The following FHOD3 variants were observed in gnomAD, a reference collection of about 807,000 sequenced individuals.
FHOD3 encodes the protein FH1/FH2 domain-containing protein 3.
FHOD3 carries 90 observed loss-of-function variants against 173.0 expected under a neutral mutation model. That is an observed-to-expected ratio of 0.52 (90% CI 0.44 to 0.62). The LOEUF (loss-of-function observed/expected upper bound fraction) is 0.62. Among genes scored for constraint, FHOD3 ranks in the 20% least tolerant of loss-of-function variants. The pLI is 0.00. For synonymous variants in FHOD3, 828 were observed against 823.0 expected (o/e 1.01, Z -0.10); for missense variants, 1,945 against 2,034.7 (o/e 0.96, Z 0.85).
intron 3 of FHOD3, among the ~76,000 whole-genome samples, chr18:36,397,814 G>A (rs1056954203): frequency 6.6e-6 from 1 of 152,198 alleles, no homozygotes; most frequent in Non-Finnish European, 1.5e-5. Context: ...GTTCCAGGGG[G>A]ATCAGATTGA....
Position 36,718,693 on chromosome 18 carries a change from C to A in FHOD3, c.3395C>A (p.Ser1132Tyr). ...SRLEHLFESK[S>Y]KELSVSKKTA... Reference sequence around the variant, plus strand: ...CTGGAGCACCTGTTTGAGTCTAAATCCAAGGAACTGTCTGTCTCAAAGGTA... The same window carrying A: ...CTGGAGCACCTGTTTGAGTCTAAATACAAGGAACTGTCTGTCTCAAAGGTA... The change falls in exon 19 of 29, where the codon TCC (serine) becomes TAC (tyrosine). Residue 1132 changes from serine to tyrosine, a missense_variant. Ser to Tyr is a moderately radical substitution (Grantham distance 144). Coordinates refer to ENST00000590592, the MANE Select transcript of FHOD3 (RefSeq NM_001281740.3). The A allele has an allele frequency of 1.2e-6, 2 of 1,613,618 alleles. No individual in the cohort carries two copies. The highest frequency in any genetic ancestry group is 1.7e-6 in the Non-Finnish European group (2 of 1,179,664).
chr18:36,631,476 A>G (rs1190175948), intron 10 of FHOD3, among the ~76,000 whole-genome samples: 2 of 151,986 alleles, frequency 1.3e-5, no homozygotes, highest in African/African-American at 4.9e-5. Flanking sequence ...AAATGAAGAG[A>G]GTTGTACCAT....
chr18:36,433,103 C>A (rs567032339), intron 3 of FHOD3, among the ~76,000 whole-genome samples: 1 of 152,140 alleles, frequency 6.6e-6, no homozygotes, highest in East Asian at 1.9e-4. Context: ...AGGATAATCT[C>A]GCCTTTGATT....
intron 14 of FHOD3, among the ~76,000 whole-genome samples, chr18:36,668,866 T>C (rs1168787422): frequency 2.0e-5 from 3 of 152,050 alleles, no homozygotes; most frequent in Non-Finnish European, 4.4e-5. Context: ...ACTTGGATAC[T>C]TTTAAATTTA....
At chr18:36,580,757 TCTC>T (rs1303403840) in intron 6 of FHOD3, among the ~76,000 whole-genome samples, 1 of 152,216 alleles carries the variant, frequency 6.6e-6, no homozygotes, top group Non-Finnish European at 1.5e-5. Flanking sequence ...GAGGCCTCAG[TCTC>T]CTCCTTAAAC....
chr18:36,647,195 C>T (rs548423239), intron 10 of FHOD3, among the ~76,000 whole-genome samples: 19 of 152,272 alleles, frequency 1.2e-4, no homozygotes, highest in African/African-American at 4.6e-4. Flanking sequence ...GAGCCAAGAT[C>T]GTGCCACTGC....
chr18:36,461,445 T>TG (rs1468790102), intron 3 of FHOD3, among the ~76,000 whole-genome samples: 3 of 147,324 alleles, frequency 2.0e-5, no homozygotes, highest in African/African-American at 7.7e-5. Context: ...CAGTCTGTTT[T>TG]TTTTTGTGTG....
intron 3 of FHOD3, among the ~76,000 whole-genome samples, chr18:36,453,768 C>T (rs927777452): frequency 2.0e-5 from 3 of 152,034 alleles, no homozygotes; most frequent in African/African-American, 4.8e-5. Context: ...GCAAAGAAGC[C>T]GGCACTGCAC....
intron 24 of FHOD3, among the ~76,000 whole-genome samples, chr18:36,749,277 A>C (rs1568725470): frequency 6.6e-6 from 1 of 152,038 alleles, no homozygotes; most frequent in Non-Finnish European, 1.5e-5. Flanking sequence ...TTATTTCATC[A>C]CCCAGGTACT....
intron 3 of FHOD3, among the ~76,000 whole-genome samples, chr18:36,438,872 G>A (rs2050965721): frequency 6.6e-6 from 1 of 152,202 alleles, no homozygotes; most frequent in Non-Finnish European, 1.5e-5. Flanking sequence ...ACATCCGTGT[G>A]GCCTCAGGGT....
intron 5 of FHOD3, among the ~76,000 whole-genome samples, chr18:36,533,263 A>G (rs1238002907): frequency 6.6e-6 from 1 of 152,206 alleles, no homozygotes; most frequent in Non-Finnish European, 1.5e-5. Flanking sequence ...TGTAGTGTTA[A>G]ATAGATGAGC....
rs1472045868 is a variant in FHOD3 at position 36,698,458 on chromosome 18, CT to C, written c.2236+5036del. Among the ~76,000 whole-genome samples the C allele has an allele frequency of 3.3e-5, 5 of 152,214 alleles. No homozygotes were observed. The East Asian group carries it at 9.7e-4, about 29-fold the overall frequency. ...AAGTAAAGATAGGCATAGAATGGCA[CT>C]GGAAAAGTTGGTAAAGAAGAGCATT... On this transcript the variant is annotated intron_variant, in intron 17 of 28. Transcript: ENST00000590592.
At chr18:36,612,286 G>A (rs1229910822) in intron 9 of FHOD3, among the ~76,000 whole-genome samples, 191 bp downstream of exon 9, 1 of 152,198 alleles carries the variant, frequency 6.6e-6, no homozygotes, top group Non-Finnish European at 1.5e-5. Flanking sequence ...GTTATGACAA[G>A]CCTTCCAGGA....
intron 20 of FHOD3, among the ~76,000 whole-genome samples, chr18:36,737,534 C>T (rs1206058986): frequency 6.6e-6 from 1 of 152,166 alleles, no homozygotes; most frequent in Non-Finnish European, 1.5e-5. Context: ...CCTATCTCTC[C>T]AGATGCTCAA....
intron 18 of FHOD3, among the ~76,000 whole-genome samples, chr18:36,712,965 C>T (rs1044280156): frequency 3.9e-5 from 6 of 152,126 alleles, no homozygotes; most frequent in Non-Finnish European, 7.3e-5. Flanking sequence ...AGGGGCGCAA[C>T]ATTTTGCAAG....
intron 1 of FHOD3, among the ~76,000 whole-genome samples, chr18:36,325,465 G>A (rs898647238): frequency 3.3e-5 from 5 of 152,176 alleles, no homozygotes; most frequent in Non-Finnish European, 7.3e-5. Flanking sequence ...GTTATACAGT[G>A]GCAGGTTTAT....
intron 3 of FHOD3, among the ~76,000 whole-genome samples, chr18:36,478,513 TCTA>T (rs1352906564): frequency 6.6e-6 from 1 of 151,704 alleles, no homozygotes; most frequent in African/African-American, 2.4e-5. Context: ...ACTCATTCTT[TCTA>T]TTTTTTTTGT....
At chr18:36,690,315 A>G (rs978194461) in intron 16 of FHOD3, among the ~76,000 whole-genome samples, 6 of 152,192 alleles carry the variant, frequency 3.9e-5, no homozygotes, top group African/African-American at 1.4e-4. Context: ...AAGGCAGCAA[A>G]AGTAGGAAGT....
intron 1 of FHOD3, among the ~76,000 whole-genome samples, chr18:36,303,615 CT>C (rs1372302573): frequency 6.6e-6 from 1 of 152,118 alleles, no homozygotes; most frequent in East Asian, 1.9e-4. Flanking sequence ...AGGAACAGCC[CT>C]CCCCCACCCT....
Sources: gnomAD v4.1 joint callset for allele counts (sites outside exome capture counted in the v4.1 genomes callset) on GRCh38, gnomAD v4.1.1 for gene constraint, MANE v1.5 for transcripts, NCBI Gene and HGNC (gene_info 2026-07-23, HGNC 2026-07-21) for gene names.